Variants in NKIRAS1 observed in about 807,000 individuals in gnomAD.
NKIRAS1 encodes NFKB inhibitor interacting Ras like 1, also known as NF-kappa-B inhibitor-interacting Ras-like protein 1.
In NKIRAS1, 16 loss-of-function variants were observed where a neutral mutation model predicts 19.8. The ratio of observed to expected loss-of-function variants is 0.81; its 90% CI spans 0.55 to 1.23. NKIRAS1 has a LOEUF of 1.23. Among genes scored for constraint, NKIRAS1 ranks in the 50% most tolerant of loss-of-function variants. The pLI is 0.00. For missense variants in NKIRAS1, 184 were observed against 220.0 expected, an observed-to-expected ratio of 0.84 and a Z score of 1.04; for synonymous variants, 88 against 79.0, an observed-to-expected ratio of 1.11 and a Z score of -0.61.
chr3:23,915,649 C>T (rs142919441), intron 1 of NKIRAS1, among the ~76,000 whole-genome samples: 1 of 152,308 alleles, frequency 6.6e-6, no homozygotes, highest in East Asian at 1.9e-4. Context: ...TGAGAACCTT[C>T]ACCTCTCCGA....
At chr3:23,936,144 G>C (rs1705390084) in intron 1 of NKIRAS1, among the ~76,000 whole-genome samples, 1 of 146,754 alleles carries the variant, frequency 6.8e-6, no homozygotes, top group Non-Finnish European at 1.5e-5. Context: ...AGCATAATAG[G>C]AGTGTTTATT....
chr3:23,902,160 C>A (rs541891065), intron 3 of NKIRAS1, among the ~76,000 whole-genome samples: 2 of 152,262 alleles, frequency 1.3e-5, no homozygotes, highest in South Asian at 2.1e-4. Context: ...ATACCCCCCC[C>A]AATCATACTA....
chr3:23,906,020 A>C (rs9863176), intron 3 of NKIRAS1, among the ~76,000 whole-genome samples: 24,062 of 151,932 alleles, frequency 0.16, 2,928 homozygotes, highest in African/African-American at 0.34. Flanking sequence ...TTAGCCAGGC[A>C]TGATGGCGCA....
Position 23,892,981 on chromosome 3 carries a change from C to T in NKIRAS1, c.*114G>A, listed in dbSNP as rs1339652457. Reference sequence around the variant, plus strand: ...TTAATTGACTTCCTTAGGAATTTTCCTAAGGACCAAAGGTAGATACAAATG... The same window carrying T: ...TTAATTGACTTCCTTAGGAATTTTCTTAAGGACCAAAGGTAGATACAAATG... On this transcript the variant is annotated 3_prime_UTR_variant, in exon 5 of 5. Coordinates refer to ENST00000425478, the MANE Select transcript of NKIRAS1 (RefSeq NM_020345.4). 1.4e-5 allele frequency: 16 copies of T among 1,146,662 alleles called. No individual in the cohort carries two copies. The Admixed American group carries it at 4.0e-4, about 29-fold the overall frequency. The allele number at this position is 1,146,662 out of a possible 1,614,324, so 71.0% of individuals were successfully genotyped here.
In NKIRAS1 at chr3:23,940,358, A is replaced by T. The variant is rs80162413; in HGVS notation, c.-140+5965T>A. Among the ~76,000 whole-genome samples the T allele has an allele frequency of 2.5e-4, 37 of 147,890 alleles. No individual in the cohort carries two copies. In the East Asian group the frequency reaches 4.5e-3, roughly 18 times the overall value. On this transcript the variant is annotated intron_variant, in intron 1 of 4. Transcript: ENST00000421515. The stretch of plus-strand genomic sequence containing the variant: ...CCAGACCTGTTTCTAAAAAAAAATT[A>T]AAAAAACTGCAACAGTGTGAATTTT...
At chr3:23,915,074 T>C (rs892298838) in intron 1 of NKIRAS1, among the ~76,000 whole-genome samples, 7 of 152,206 alleles carry the variant, frequency 4.6e-5, no homozygotes, top group African/African-American at 1.7e-4. Flanking sequence ...ATGTTTACTT[T>C]ACATACTCAT....
intron 3 of NKIRAS1, among the ~76,000 whole-genome samples, chr3:23,903,722 CTA>C (rs754787900): frequency 3.3e-5 from 5 of 152,100 alleles, no homozygotes; most frequent in Admixed American, 6.5e-5. Context: ...AATTCAAGGA[CTA>C]GTCCAGAAGG....
upstream of NKIRAS1, chr3:23,917,715 T>G: frequency 1.2e-6 from 1 of 858,028 alleles, no homozygotes. Context: ...GGGCTAGCTG[T>G]CCCCGGCAGT....
chr3:23,910,926 G>A lies in NKIRAS1; in HGVS notation c.-17-5C>T. The A allele has an allele frequency of 1.9e-6, 3 of 1,591,478 alleles. No homozygotes were observed. Among genetic ancestry groups the A allele is most frequent in the Non-Finnish European group, 2.6e-6 (3 of 1,159,464 alleles). On this transcript the variant is annotated splice_polypyrimidine_tract_variant and splice_region_variant and intron_variant, in intron 2 of 4. Transcript: ENST00000425478. The stretch of plus-strand genomic sequence containing the variant: ...CCATCTTCTCTCAGGATATCACTGT[G>A]GAGAGAATAACAGGTCTTTTAAATT...
chr3:23,936,082 C>CAAA (rs35945213), intron 1 of NKIRAS1, among the ~76,000 whole-genome samples: 9,711 of 63,798 alleles, frequency 0.15, 1,449 homozygotes, highest in Non-Finnish European at 0.18. Flanking sequence ...GACCCTGTCT[C>CAAA]AAAAAAAAAA....
intron 4 of NKIRAS1, among the ~76,000 whole-genome samples, chr3:23,896,290 T>C (rs1701989222): frequency 6.6e-6 from 1 of 151,482 alleles, no homozygotes; most frequent in South Asian, 2.1e-4. Flanking sequence ...ATCAATTTTC[T>C]CCCATTAGCA....
Position 23,945,519 on chromosome 3 carries a change from G to A in NKIRAS1, c.-140+804C>T, listed in dbSNP as rs1226107711. The A allele has an allele frequency of 2.8e-6, 3 of 1,082,012 alleles. No individual in the cohort carries two copies. The African/African-American group carries it at 5.1e-5, about 18-fold the overall frequency. 67.0% of individuals were successfully genotyped at this position (1,082,012 alleles called of 1,614,324 possible). On this transcript the variant is annotated intron_variant, in intron 1 of 4. Coordinates refer to the NKIRAS1 transcript ENST00000421515. ...GGGGCGGCGCGGCGCTGAGGCGGCG[G>A]CGGCGGCGCTGCCCCCTCTGCGGGA...
At chr3:23,939,611 T>C (rs766721623) in intron 1 of NKIRAS1, among the ~76,000 whole-genome samples, 35 of 152,116 alleles carry the variant, frequency 2.3e-4, no homozygotes, top group Non-Finnish European at 4.7e-4. Flanking sequence ...CATGGTGGCA[T>C]GTGCCTGTAA....
Position 23,922,486 on chromosome 3 carries a change from CAAGCGATTCTCCTG to C in NKIRAS1, c.-139-11050_-139-11037del, listed in dbSNP as rs1705122984. 6.6e-6 allele frequency: 1 copy of C among 152,204 alleles called. No homozygotes were observed. The highest frequency in any genetic ancestry group is 6.5e-5 in the Admixed American group (1 of 15,278). 9.4% of individuals were successfully genotyped at this position (152,204 alleles called of 1,614,324 possible). On this transcript the variant is annotated intron_variant, in intron 1 of 4. Coordinates refer to the NKIRAS1 transcript ENST00000421515. This position sits in a 1 kb window ranked among gnomAD's most constrained non-coding sequence, Gnocchi z 4.2. ...ATCTCAGCTCACTGCAACCCGGGTTCAAGCGATTCTCCTGCCTCAGCCTCCCGAGTAGCTGGGAC... is the reference window on the plus strand; with the variant it reads ...ATCTCAGCTCACTGCAACCCGGGTTCCCTCAGCCTCCCGAGTAGCTGGGAC...
At chr3:23,921,695 C>T (rs1705092947), upstream of NKIRAS1, 4 of 659,864 alleles carry the variant, frequency 6.1e-6, no homozygotes, top group Admixed American at 2.5e-5. Context: ...CTGCCTCGGC[C>T]TCCCAAATAG....
upstream of NKIRAS1, chr3:23,918,356 G>A: frequency 2.1e-6 from 3 of 1,437,028 alleles, no homozygotes; most frequent in Non-Finnish European, 2.8e-6. Flanking sequence ...AAGTATTTTT[G>A]GTGGAGTATT....
upstream of NKIRAS1, chr3:23,918,183 C>T: frequency 1.9e-6 from 2 of 1,054,866 alleles, no homozygotes; most frequent in Admixed American, 2.9e-5. Context: ...ACTGTATGCA[C>T]TGTTGTCTAA....
At chr3:23,895,039 CTTGTT>C (rs904546776) in intron 4 of NKIRAS1, among the ~76,000 whole-genome samples, 1 of 152,078 alleles carries the variant, frequency 6.6e-6, no homozygotes, top group African/African-American at 2.4e-5. Context: ...TATCCTAGAC[CTTGTT>C]TTGTTTGTTT....
At chr3:23,897,860 G>A (rs1702132161) in intron 4 of NKIRAS1, among the ~76,000 whole-genome samples, 1 of 152,110 alleles carries the variant, frequency 6.6e-6, no homozygotes, top group Non-Finnish European at 1.5e-5. Context: ...ATTGGGATAT[G>A]GACTGTTTTG....
Sources: gnomAD v4.1 joint callset for allele counts (sites outside exome capture counted in the v4.1 genomes callset) on GRCh38, gnomAD v4.1.1 for gene constraint, Gnocchi (gnomAD v3.1) non-coding constraint, MANE v1.5 for transcripts, NCBI Gene and HGNC (gene_info 2026-07-23, HGNC 2026-07-21) for gene names.